TAX1BP1: variants seen among roughly 807,000 people sequenced by gnomAD.
The protein encoded by TAX1BP1 is tax1-binding protein 1.
In TAX1BP1, 62 loss-of-function variants were observed where a neutral mutation model predicts 97.7. The ratio of observed to expected loss-of-function variants is 0.63; its 90% CI spans 0.52 to 0.78. The LOEUF (loss-of-function observed/expected upper bound fraction) is 0.78, where lower values mean the gene tolerates loss of function less well. TAX1BP1 is among the 30% of genes least tolerant of loss of function. The probability of loss-of-function intolerance (pLI) is 0.00; values close to 1 mark genes in which losing one functional copy is unlikely to be tolerated. For synonymous variants in TAX1BP1, 340 were observed against 304.2 expected, an observed-to-expected ratio of 1.12 and a Z score of -1.23; for missense variants, 867 against 916.1, an observed-to-expected ratio of 0.95 and a Z score of 0.69.
chr7:27,747,423 AGT>A (rs1488637777), intron 1 of TAX1BP1, among the ~76,000 whole-genome samples: 10 of 152,240 alleles, frequency 6.6e-5, no homozygotes, highest in African/African-American at 2.4e-4. Context: ...GATTTTCAAC[AGT>A]GTGTATTTTA....
At chr7:27,775,663 G>A (rs1583693782) in intron 5 of TAX1BP1, among the ~76,000 whole-genome samples, 1 of 152,106 alleles carries the variant, frequency 6.6e-6, no homozygotes, top group Non-Finnish European at 1.5e-5. Flanking sequence ...GGCTCACCTT[G>A]TTGGTATGAG....
At chr7:27,796,064 A>C in intron 11 of TAX1BP1, 52 bp from the exon 12 acceptor site, 4 of 1,380,690 alleles carry the variant, frequency 2.9e-6, no homozygotes, top group Non-Finnish European at 4.0e-6. Flanking sequence ...ACAGGAAGAT[A>C]ATATAAGGGG....
intron 11 of TAX1BP1, among the ~76,000 whole-genome samples, chr7:27,795,579 G>T (rs899577493): frequency 6.6e-6 from 1 of 152,142 alleles, no homozygotes; most frequent in Admixed American, 6.5e-5. Flanking sequence ...TTGAGACAGA[G>T]TCTCACTCTG....
chr7:27,753,704 C>T (rs1189043705), intron 2 of TAX1BP1, among the ~76,000 whole-genome samples: 1 of 151,798 alleles, frequency 6.6e-6, no homozygotes, highest in Non-Finnish European at 1.5e-5. Flanking sequence ...CAGCCTGCAT[C>T]ATTAGCAACT....
chr7:27,775,892 C>T (rs1248347377), intron 5 of TAX1BP1, among the ~76,000 whole-genome samples: 2 of 152,150 alleles, frequency 1.3e-5, no homozygotes, highest in East Asian at 1.9e-4. Context: ...GCTTTTCCCA[C>T]TTTATGATGT....
intron 8 of TAX1BP1, among the ~76,000 whole-genome samples, chr7:27,789,364 A>G (rs1225210647): frequency 6.6e-6 from 1 of 151,932 alleles, no homozygotes; most frequent in Non-Finnish European, 1.5e-5. Context: ...AGTCAAAATG[A>G]TAGAAAAATT....
At chr7:27,747,114 C>T (rs1415251652) in intron 1 of TAX1BP1, among the ~76,000 whole-genome samples, 1 of 152,148 alleles carries the variant, frequency 6.6e-6, no homozygotes, top group African/African-American at 2.4e-5. Flanking sequence ...TAGCAAAAAC[C>T]TTGCCCCAGT....
At chr7:27,787,745 G>A in intron 8 of TAX1BP1, 142 bp downstream of exon 8, 1 of 717,984 alleles carries the variant, frequency 1.4e-6, no homozygotes, top group Non-Finnish European at 2.2e-6. Context: ...ACAGAACAAT[G>A]AATACTGATG....
chr7:27,745,069 A>G (rs73295510), intron 1 of TAX1BP1, among the ~76,000 whole-genome samples: 2,566 of 152,300 alleles, frequency 0.017, 56 homozygotes, highest in African/African-American at 0.051. Flanking sequence ...TGGACGTTTC[A>G]TACTTATCCT....
At chr7:27,756,515 T>G (rs549749666) in intron 2 of TAX1BP1, among the ~76,000 whole-genome samples, 1 of 152,272 alleles carries the variant, frequency 6.6e-6, no homozygotes, top group South Asian at 2.1e-4. Flanking sequence ...TGAACTCACT[T>G]AATACAGACA....
chr7:27,742,609 G>A (rs1312647380), intron 1 of TAX1BP1, among the ~76,000 whole-genome samples: 3 of 152,134 alleles, frequency 2.0e-5, no homozygotes, highest in Non-Finnish European at 4.4e-5. Context: ...GATCTCTCTT[G>A]CTTTTCCCCA....
chr7:27,752,510 A>C (rs1040801197), intron 2 of TAX1BP1, among the ~76,000 whole-genome samples: 1 of 152,144 alleles, frequency 6.6e-6, no homozygotes, highest in African/African-American at 2.4e-5. Flanking sequence ...ATGGGAAGGG[A>C]AGTTAAGAGG....
At chr7:27,814,377 A>C (rs1035562831) in intron 13 of TAX1BP1, among the ~76,000 whole-genome samples, 5 of 151,956 alleles carry the variant, frequency 3.3e-5, no homozygotes, top group African/African-American at 7.3e-5. Flanking sequence ...TTCTGTGTAC[A>C]TTTTAGAATT....
At chr7:27,813,495 T>C (rs1208405836) in intron 13 of TAX1BP1, among the ~76,000 whole-genome samples, 1 of 152,232 alleles carries the variant, frequency 6.6e-6, no homozygotes, top group African/African-American at 2.4e-5. Flanking sequence ...GTTGGGACTA[T>C]AGGCACATGC....
At position 27,740,968 on chromosome 7, in the gene TAX1BP1, G is replaced by C. The variant is rs558017467; in HGVS notation, c.-8+699G>C. Among the ~76,000 whole-genome samples, 14 of 151,944 alleles carry C rather than the reference G, an allele frequency of 9.2e-5. No individual in the cohort carries two copies. In the East Asian group the frequency reaches 2.7e-3, roughly 29 times the overall value. On this transcript the variant is annotated intron_variant, in intron 1 of 16. Coordinates refer to ENST00000396319, the MANE Select transcript of TAX1BP1 (RefSeq NM_006024.7). ...AGGGAATCTGTGGCTAGAGTTTAGCGTGCGCGCGCGCGCGTACACCTTATT... is the reference window on the plus strand; with the variant it reads ...AGGGAATCTGTGGCTAGAGTTTAGCCTGCGCGCGCGCGCGTACACCTTATT...
At chr7:27,813,413 G>A (rs1340383883) in intron 13 of TAX1BP1, among the ~76,000 whole-genome samples, 4 of 150,678 alleles carry the variant, frequency 2.7e-5, no homozygotes, top group Non-Finnish European at 5.9e-5. Context: ...GGAGTGCAGT[G>A]GTGCCATCAT....
intron 13 of TAX1BP1, among the ~76,000 whole-genome samples, chr7:27,808,746 TC>T (rs1179933007): frequency 6.6e-6 from 1 of 152,080 alleles, no homozygotes; most frequent in Non-Finnish European, 1.5e-5. Flanking sequence ...ACAGACTTGT[TC>T]CTGGGAGCTG....
intron 13 of TAX1BP1, among the ~76,000 whole-genome samples, chr7:27,813,032 A>C (rs1196070880): frequency 6.6e-6 from 1 of 152,192 alleles, no homozygotes; most frequent in Non-Finnish European, 1.5e-5. Flanking sequence ...TTTGCAGAAA[A>C]AGATTGCCAG....
chr7:27,771,112 T>TTC, intron 5 of TAX1BP1, among the ~76,000 whole-genome samples: 1 of 130,886 alleles, frequency 7.6e-6, no homozygotes, highest in Admixed American at 7.4e-5. Flanking sequence ...TTTTTTTTTT[T>TTC]TTTTTTTTTT....
Sources: gnomAD v4.1 joint callset for allele counts (sites outside exome capture counted in the v4.1 genomes callset) on GRCh38, gnomAD v4.1.1 for gene constraint, MANE v1.5 for transcripts, NCBI Gene and HGNC (gene_info 2026-07-23, HGNC 2026-07-21) for gene names.